Variants in MAP3K5 observed in about 807,000 individuals in gnomAD.
MAP3K5 encodes ASK-1.
In MAP3K5, 56 loss-of-function variants were observed where a neutral mutation model predicts 158.7. The observed-to-expected ratio is 0.35, with a 90% CI of 0.28 to 0.44. MAP3K5 has a LOEUF of 0.44. Ranked by LOEUF, MAP3K5 falls within the 20% of genes least tolerant of loss-of-function variation. MAP3K5 has a pLI of 1.00. For synonymous variants in MAP3K5, 579 were observed against 601.7 expected (o/e 0.96, Z 0.55); for missense variants, 1,294 against 1,674.8 (o/e 0.77, Z 3.97).
chr6:136,782,969 T>C (rs1784680245), intron 1 of MAP3K5, among the ~76,000 whole-genome samples: 1 of 152,206 alleles, frequency 6.6e-6, no homozygotes, highest in African/African-American at 2.4e-5. Context: ...TCGATTAGTG[T>C]CTCTAGTCAA....
intron 1 of MAP3K5, among the ~76,000 whole-genome samples, chr6:136,751,398 C>T (rs1783202590): frequency 6.6e-6 from 1 of 152,174 alleles, no homozygotes; most frequent in Admixed American, 6.5e-5. Context: ...CACTGATAGA[C>T]TGTTAAATAT....
intron 7 of MAP3K5, among the ~76,000 whole-genome samples, chr6:136,670,261 A>T (rs1420088290): frequency 1.3e-5 from 2 of 152,134 alleles, no homozygotes; most frequent in East Asian, 3.8e-4. Context: ...TTCCTAGGAT[A>T]CTTTTAAGGG....
At chr6:136,580,669 A>G (rs1583214846) in intron 24 of MAP3K5, among the ~76,000 whole-genome samples, 2 of 152,178 alleles carry the variant, frequency 1.3e-5, no homozygotes, top group African/African-American at 4.8e-5. Context: ...TGGGACTCAG[A>G]ATGTGCAGTT....
Position 136,628,549 on chromosome 6 carries a change from T to C in MAP3K5, c.2017-5568A>G, listed in dbSNP as rs1017334862. ...CAGCTCTACAACAGGTATGCTTATA[T>C]AGAAGAGTGAAGAATACATAAACCT... is the stretch of plus-strand genomic sequence containing the variant. On this transcript the variant is annotated intron_variant, in intron 14 of 29. Coordinates refer to ENST00000359015, the MANE Select transcript of MAP3K5 (RefSeq NM_005923.4). Among the ~76,000 whole-genome samples, 22 of 152,268 alleles carry C rather than the reference T, an allele frequency of 1.4e-4. 1 individual carries two copies. Among genetic ancestry groups the C allele is most frequent in the African/African-American group, 4.6e-4 (19 of 41,556 alleles).
At chr6:136,568,551 T>C (rs1216849996) in intron 25 of MAP3K5, among the ~76,000 whole-genome samples, 1 of 152,114 alleles carries the variant, frequency 6.6e-6, no homozygotes, top group Non-Finnish European at 1.5e-5. Context: ...CTATATAACA[T>C]GAGATCACCT....
chr6:136,748,538 G>A (rs1271831084), intron 1 of MAP3K5, among the ~76,000 whole-genome samples: 1 of 152,148 alleles, frequency 6.6e-6, no homozygotes, highest in African/African-American at 2.4e-5. Flanking sequence ...ATGGGGGAGT[G>A]TTCTTCGCAA....
chr6:136,769,243 G>A (rs540888662), intron 1 of MAP3K5, among the ~76,000 whole-genome samples: 1 of 152,308 alleles, frequency 6.6e-6, no homozygotes, highest in South Asian at 2.1e-4. Flanking sequence ...AGTGAAAGAA[G>A]CCAGTCACAA....
chr6:136,562,910 T>C (rs895235335), intron 26 of MAP3K5, among the ~76,000 whole-genome samples: 2 of 145,948 alleles, frequency 1.4e-5, no homozygotes, highest in South Asian at 2.2e-4. Context: ...ACTCCTGGCC[T>C]CCAGTGGTCT....
At chr6:136,693,533 T>C (rs1422923407) in intron 7 of MAP3K5, among the ~76,000 whole-genome samples, 1 of 151,868 alleles carries the variant, frequency 6.6e-6, no homozygotes, top group Admixed American at 6.5e-5. Flanking sequence ...TCAGGTCTTT[T>C]AAACTGTCTT....
chr6:136,565,722 A>G (rs988302160), intron 26 of MAP3K5, among the ~76,000 whole-genome samples: 1 of 152,220 alleles, frequency 6.6e-6, no homozygotes, highest in African/African-American at 2.4e-5. Flanking sequence ...AGAAGGACCA[A>G]TATGGACAGG....
intron 1 of MAP3K5, among the ~76,000 whole-genome samples, chr6:136,735,700 C>T (rs978419123): frequency 2.6e-4 from 39 of 151,946 alleles, no homozygotes; most frequent in Non-Finnish European, 3.5e-4. Flanking sequence ...TGTGGTGGTG[C>T]GTGCCTGCAG....
At chr6:136,697,409 C>T in intron 4 of MAP3K5, 22 bp from the exon 5 acceptor site, 1 of 1,570,976 alleles carries the variant, frequency 6.4e-7, no homozygotes, top group African/African-American at 1.4e-5. Context: ...ACACACATTT[C>T]AAAGAGTTTG....
chr6:136,792,075 C>T lies in MAP3K5; in HGVS notation c.83G>A (p.Gly28Asp). ...PSGFCTIPEGGICRRGGAAAV... is the reference protein window; with the variant it reads ...PSGFCTIPEGDICRRGGAAAV... The stretch of plus-strand genomic sequence containing the variant: ...CGCCGCTCCTCCCCTCCTGCAGATG[C>T]CGCCCTCGGGGATGGTGCAGAAGCC... The change falls in exon 1 of 30, where the codon GGC (glycine) becomes GAC (aspartate). Residue 28 changes from glycine (G) to aspartate (D), a missense_variant. By Grantham distance (94) the Gly-to-Asp change is moderately conservative. Around this residue, in one of 5 missense-constraint regions of MAP3K5, gnomAD observed 690 missense variants for 870.5 expected, o/e 0.79. Transcript: ENST00000359015. This position sits in a 1 kb window ranked among gnomAD's most constrained non-coding sequence, Gnocchi z 5.7. The T allele has an allele frequency of 6.4e-7, 1 of 1,571,012 alleles. No homozygotes were observed. The highest frequency in any genetic ancestry group is 8.6e-7 in the Non-Finnish European group (1 of 1,163,778).
intron 1 of MAP3K5, among the ~76,000 whole-genome samples, chr6:136,764,866 GC>G (rs1479867950): frequency 6.6e-6 from 1 of 152,112 alleles, no homozygotes; most frequent in Non-Finnish European, 1.5e-5. Flanking sequence ...ACACTTCCTG[GC>G]CCTAATTGAT....
intron 9 of MAP3K5, among the ~76,000 whole-genome samples, chr6:136,658,783 T>C (rs1344852564): frequency 6.6e-6 from 1 of 152,114 alleles, no homozygotes; most frequent in African/African-American, 2.4e-5. Flanking sequence ...AAATCCTAAG[T>C]AAGAAGAAAA....
At chr6:136,597,787 A>G (rs1412210820) in intron 21 of MAP3K5, among the ~76,000 whole-genome samples, 1 of 152,148 alleles carries the variant, frequency 6.6e-6, no homozygotes, top group Non-Finnish European at 1.5e-5. Flanking sequence ...TACTAAATAA[A>G]CCATCCTCAC....
intron 1 of MAP3K5, among the ~76,000 whole-genome samples, chr6:136,729,809 C>T (rs1022860657): frequency 6.6e-6 from 1 of 152,132 alleles, no homozygotes; most frequent in Non-Finnish European, 1.5e-5. Flanking sequence ...GGGAGTCATC[C>T]GAGAGAGCGT....
intron 14 of MAP3K5, among the ~76,000 whole-genome samples, chr6:136,635,818 G>A (rs1166739149): frequency 6.6e-6 from 1 of 151,542 alleles, no homozygotes; most frequent in Admixed American, 6.6e-5. Flanking sequence ...GAGGTCAAGA[G>A]GCTACAATGA....
At chr6:136,673,679 T>C (rs1779576817) in intron 7 of MAP3K5, among the ~76,000 whole-genome samples, 1 of 134,082 alleles carries the variant, frequency 7.5e-6, no homozygotes, top group Admixed American at 7.5e-5. Flanking sequence ...TGCATGTCAA[T>C]AGAAGGTATC....
Sources: gnomAD v4.1 joint callset for allele counts (sites outside exome capture counted in the v4.1 genomes callset) on GRCh38, gnomAD v4.1.1 for gene constraint, gnomAD v4.1.1 regional missense constraint, Gnocchi (gnomAD v3.1) non-coding constraint, MANE v1.5 for transcripts, NCBI Gene and HGNC (gene_info 2026-07-23, HGNC 2026-07-21) for gene names.